The following LRRC37A2 variants were observed in gnomAD, a reference collection of about 807,000 sequenced individuals.
LRRC37A2 encodes the protein leucine rich repeat containing 37 member A2.
LRRC37A2 carries 9 observed loss-of-function variants against 68.8 expected under a neutral mutation model. The observed-to-expected ratio is 0.13, with a 90% CI of 0.08 to 0.23. The LOEUF is 0.23. Ranked by LOEUF, LRRC37A2 falls within the 10% of genes least tolerant of loss-of-function variation. LRRC37A2 has a pLI of 1.00. For synonymous variants in LRRC37A2, 63 were observed against 367.6 expected (o/e 0.17, Z 9.48); for missense variants, 168 against 950.4 (o/e 0.18, Z 10.82).
intron 6 of LRRC37A2, among the ~76,000 whole-genome samples, chr17:46,537,077 ATTTTTTTTTTTTT>A (rs766255014): frequency 0.019 from 659 of 34,800 alleles, 66 homozygotes; most frequent in African/African-American, 0.11. Flanking sequence ...ATTGTGGTCA[ATTTTTTTTTTTTT>A]TTTTTTTTTT....
the LRRC37A2 span, among the ~76,000 whole-genome samples, chr17:47,016,160 G>A: frequency 6.6e-6 from 1 of 151,986 alleles, no homozygotes; most frequent in African/African-American, 2.4e-5. Context: ...GGTCAGGCTG[G>A]TCTCGAACTT....
At chr17:47,027,438 A>T in the LRRC37A2 span, 1 of 574,458 alleles carries the variant, frequency 1.7e-6, no homozygotes, top group East Asian at 3.1e-5. Context: ...TACAAGTCCA[A>T]ACGTTTAGAG....
At chr17:46,820,292 G>T in the LRRC37A2 span, among the ~76,000 whole-genome samples, 3 of 152,116 alleles carry the variant, frequency 2.0e-5, no homozygotes, top group African/African-American at 7.2e-5. Flanking sequence ...CTCCTGCTGC[G>T]TTCCCAGCCC....
chr17:46,839,362 C>A, the LRRC37A2 span, among the ~76,000 whole-genome samples: 1 of 152,216 alleles, frequency 6.6e-6, no homozygotes, highest in Non-Finnish European at 1.5e-5. Context: ...GCACTCTTAG[C>A]CCCTGGCGGG....
the LRRC37A2 span, among the ~76,000 whole-genome samples, chr17:46,754,138 T>C: frequency 7.2e-6 from 1 of 138,888 alleles, no homozygotes; most frequent in Non-Finnish European, 1.5e-5. Flanking sequence ...ACAACTGCGC[T>C]CCAGCCAGTT....
the LRRC37A2 span, among the ~76,000 whole-genome samples, chr17:46,879,172 T>C: frequency 1.3e-5 from 2 of 152,236 alleles, no homozygotes; most frequent in Non-Finnish European, 2.9e-5. Flanking sequence ...ATAGTTGCTA[T>C]ATTTCACAGA....
chr17:46,927,410 G>A, the LRRC37A2 span, among the ~76,000 whole-genome samples: 11 of 152,206 alleles, frequency 7.2e-5, no homozygotes, highest in Middle Eastern at 6.8e-3. Context: ...TGTGGTTTGT[G>A]GGTTTTGTGG....
chr17:46,825,117 G>C, the LRRC37A2 span, among the ~76,000 whole-genome samples: 3 of 152,210 alleles, frequency 2.0e-5, no homozygotes, highest in Non-Finnish European at 4.4e-5. Flanking sequence ...GACATGGCTG[G>C]CCTGCCCAAG....
At chr17:46,540,921 G>A in intron 8 of LRRC37A2, 40 bp downstream of exon 7, 1 of 1,381,176 alleles carries the variant, frequency 7.2e-7, no homozygotes. Flanking sequence ...TACTTAGTTG[G>A]TTCTTTAGGT....
chr17:46,780,745 C>T, the LRRC37A2 span, among the ~76,000 whole-genome samples: 2 of 152,038 alleles, frequency 1.3e-5, no homozygotes, highest in East Asian at 3.9e-4. Flanking sequence ...CCACTGCGCT[C>T]CAGCCTGGGT....
intron 6 of LRRC37A2, among the ~76,000 whole-genome samples, chr17:46,534,699 T>A (rs2054323684): frequency 6.7e-6 from 1 of 149,986 alleles, no homozygotes; most frequent in Non-Finnish European, 1.5e-5. Context: ...CCGTTCTCAA[T>A]GAGCTGTTGG....
At chr17:47,030,063 A>AAATAATAAT in the LRRC37A2 span, among the ~76,000 whole-genome samples, 322 of 75,280 alleles carry the variant, frequency 4.3e-3, 30 homozygotes, top group Admixed American at 5.4e-3. Context: ...ACTCTGTCTC[A>AAATAATAAT]AATAATAATA....
chr17:46,770,977 C>A, the LRRC37A2 span, among the ~76,000 whole-genome samples: 5 of 152,374 alleles, frequency 3.3e-5, no homozygotes, highest in Non-Finnish European at 2.9e-5. Context: ...CTGACACAGG[C>A]TGTGAAACGC....
chr17:46,939,723 A>G, the LRRC37A2 span: 1 of 986,520 alleles, frequency 1.0e-6, no homozygotes, highest in Non-Finnish European at 1.2e-6. Flanking sequence ...CCGTGGAGAC[A>G]TCTGTAGTGT....
the LRRC37A2 span, among the ~76,000 whole-genome samples, chr17:46,847,300 C>T: frequency 6.6e-6 from 1 of 152,228 alleles, no homozygotes; most frequent in African/African-American, 2.4e-5. Flanking sequence ...TCAAGTCTTC[C>T]ATCCCCGAGA....
At chr17:47,000,689 T>G in the LRRC37A2 span, among the ~76,000 whole-genome samples, 1 of 152,122 alleles carries the variant, frequency 6.6e-6, no homozygotes, top group Non-Finnish European at 1.5e-5. Flanking sequence ...TGCTAACTTA[T>G]GACTTGCAGC....
chr17:47,008,498 G>A, the LRRC37A2 span, among the ~76,000 whole-genome samples: 2 of 149,332 alleles, frequency 1.3e-5, no homozygotes, highest in African/African-American at 2.5e-5. Flanking sequence ...TTGCTCTGTC[G>A]CTCAGGCTGG....
the LRRC37A2 span, chr17:46,830,452 C>G: frequency 2.6e-6 from 1 of 385,484 alleles, no homozygotes; most frequent in East Asian, 3.7e-5. Context: ...TGTCTTCTTC[C>G]TACACTGCCC....
the LRRC37A2 span, among the ~76,000 whole-genome samples, chr17:46,818,265 C>T: frequency 1.1e-4 from 16 of 151,966 alleles, no homozygotes; most frequent in Non-Finnish European, 1.6e-4. Context: ...GAATAAGAAA[C>T]CTTCTGAGAT....
Sources: gnomAD v4.1 joint callset for allele counts (sites outside exome capture counted in the v4.1 genomes callset) on GRCh38, gnomAD v4.1.1 for gene constraint, MANE v1.5 for transcripts, NCBI Gene and HGNC (gene_info 2026-07-23, HGNC 2026-07-21) for gene names.